The following FAAH2 variants were observed in gnomAD, a reference collection of about 807,000 sequenced individuals.
FAAH2 encodes fatty acid amide hydrolase 2, also known as fatty-acid amide hydrolase 2.
FAAH2 carries 60 observed loss-of-function variants against 36.9 expected under a neutral mutation model. The observed-to-expected ratio is 1.63, with a 90% CI of 1.32 to 2.02. FAAH2 has a LOEUF of 2.02. Among genes scored for constraint, FAAH2 ranks in the 30% most tolerant of loss-of-function variants. FAAH2 has a pLI of 0.00. For missense variants in FAAH2, 689 were observed against 397.5 expected (o/e 1.73, Z -6.23); for synonymous variants, 214 against 143.8 (o/e 1.49, Z -3.49).
chrX:57,258,662 A>C, the FAAH2 span, among the ~76,000 whole-genome samples: 1 of 110,677 alleles, frequency 9.0e-6, no homozygotes, highest in South Asian at 3.8e-4. Flanking sequence ...TCTTCCACGG[A>C]AAACTTACCA....
At chrX:57,176,305 G>T in the FAAH2 span, among the ~76,000 whole-genome samples, 1 of 107,710 alleles carries the variant, frequency 9.3e-6, no homozygotes, top group African/African-American at 3.3e-5. Context: ...TTGTCCAATT[G>T]GATTAATTCA....
At chrX:57,223,118 A>T in the FAAH2 span, among the ~76,000 whole-genome samples, 1 of 112,413 alleles carries the variant, frequency 8.9e-6, no homozygotes, top group African/African-American at 3.2e-5. Context: ...ATTGCAAAAA[A>T]CACTCCTGCC....
At chrX:57,258,859 C>T in the FAAH2 span, among the ~76,000 whole-genome samples, 61 of 107,966 alleles carry the variant, frequency 5.6e-4, no homozygotes, top group Non-Finnish European at 1.1e-3. Context: ...CAGGCACCTG[C>T]CACCACGCCT....
chrX:57,477,340 G>A lies in FAAH2; in HGVS notation c.1424-11417G>A, dbSNP rs1328275455. Among the ~76,000 whole-genome samples, 3 of 110,510 alleles carry A rather than the reference G, an allele frequency of 2.7e-5. No homozygotes were observed. The South Asian group carries it at 1.1e-3, about 42-fold the overall frequency. ...AAAAATTATTTCATCAACAAAGCAG[G>A]ATATTAAGCTGTAATGGGTACAGCT... On this transcript the variant is annotated intron_variant, in intron 10 of 10. Transcript: ENST00000374900.
the FAAH2 span, among the ~76,000 whole-genome samples, chrX:57,198,230 T>G: frequency 9.0e-6 from 1 of 111,585 alleles, no homozygotes; most frequent in Admixed American, 9.5e-5. Context: ...TTCAGACTCT[T>G]CTTTGGTAGG....
At chrX:57,377,468 T>C (rs955418249) in intron 5 of FAAH2, among the ~76,000 whole-genome samples, 2 of 112,039 alleles carry the variant, frequency 1.8e-5, no homozygotes, top group East Asian at 5.6e-4. Context: ...ATGTGTGGCA[T>C]TATATCTGAG....
chrX:57,163,348 A>G, the FAAH2 span, among the ~76,000 whole-genome samples: 1 of 111,885 alleles, frequency 8.9e-6, no homozygotes, highest in East Asian at 2.8e-4. Context: ...GGTGGAGCCT[A>G]CAGAAGCAGG....
chrX:57,154,843 A>AT, the FAAH2 span, among the ~76,000 whole-genome samples: 15 of 108,761 alleles, frequency 1.4e-4, no homozygotes, highest in African/African-American at 3.7e-4. Flanking sequence ...TGCTGTTCAG[A>AT]TTTTTTTTGT....
the FAAH2 span, among the ~76,000 whole-genome samples, chrX:57,153,017 T>C: frequency 2.7e-5 from 3 of 111,186 alleles, no homozygotes; most frequent in Non-Finnish European, 5.6e-5. Flanking sequence ...TAAGGTCTGG[T>C]AGTAATTGTT....
At chrX:57,476,999 A>C (rs910056607) in intron 10 of FAAH2, among the ~76,000 whole-genome samples, 2 of 111,273 alleles carry the variant, frequency 1.8e-5, no homozygotes, top group African/African-American at 6.5e-5. Flanking sequence ...AGGTGTTTAC[A>C]GTATTCTCTG....
intron 8 of FAAH2, among the ~76,000 whole-genome samples, chrX:57,434,083 A>T (rs945336868): frequency 1.1e-4 from 10 of 94,103 alleles, no homozygotes; most frequent in African/African-American, 3.9e-4. Context: ...AATTAAATTG[A>T]TTTTTTTTTT....
intron 5 of FAAH2, among the ~76,000 whole-genome samples, chrX:57,370,299 C>T (rs991861145): frequency 9.0e-6 from 1 of 111,087 alleles, no homozygotes; most frequent in Non-Finnish European, 1.9e-5. Context: ...ATAAGAAAAA[C>T]ATAACCCAGC....
intron 10 of FAAH2, among the ~76,000 whole-genome samples, chrX:57,458,739 C>T (rs910354078): frequency 9.0e-6 from 1 of 111,591 alleles, no homozygotes; most frequent in Non-Finnish European, 1.9e-5. Flanking sequence ...GAGTGGGGGC[C>T]TCCGTTCCCT....
chrX:57,277,734 A>C, the FAAH2 span, among the ~76,000 whole-genome samples: 126 of 112,430 alleles, frequency 1.1e-3, no homozygotes, highest in Middle Eastern at 4.6e-3. Flanking sequence ...ATCTCAGGAT[A>C]CAAAATCAGT....
intron 10 of FAAH2, chrX:57,452,027 C>A (rs1436041742): frequency 4.5e-6 from 1 of 224,474 alleles, no homozygotes; most frequent in East Asian, 2.4e-4. Flanking sequence ...CAACATAACA[C>A]CTATATGTCA....
intron 7 of FAAH2, among the ~76,000 whole-genome samples, chrX:57,427,839 G>T (rs1462760467): frequency 4.6e-5 from 3 of 65,111 alleles, no homozygotes; most frequent in African/African-American, 1.0e-4. Context: ...TCTAAAAACT[G>T]AAACAAGACA....
At chrX:57,347,552 C>T (rs2116365) in intron 5 of FAAH2, among the ~76,000 whole-genome samples, 57,389 of 104,181 alleles carry the variant, frequency 0.55, 14,319 homozygotes, top group Non-Finnish European at 0.75. Flanking sequence ...ATAATGAGTT[C>T]CATATCTGTC....
intron 7 of FAAH2, among the ~76,000 whole-genome samples, chrX:57,398,992 G>A (rs1313132798): frequency 1.8e-5 from 2 of 111,289 alleles, no homozygotes; most frequent in African/African-American, 6.5e-5. Context: ...ATGCCATTGA[G>A]ATTTTCTTTG....
At chrX:57,148,004 C>T in the FAAH2 span, among the ~76,000 whole-genome samples, 4 of 111,597 alleles carry the variant, frequency 3.6e-5, no homozygotes, top group South Asian at 3.8e-4. Flanking sequence ...GAATTTTCCA[C>T]GTGCTGATGA....
Sources: allele counts gnomAD v4.1 joint callset (sites outside exome capture counted in the v4.1 genomes callset), GRCh38; gene constraint gnomAD v4.1.1; transcripts MANE v1.5; gene names NCBI Gene and HGNC (gene_info 2026-07-23, HGNC 2026-07-21).